The following ENPP6 variants were observed in gnomAD, a reference collection of about 807,000 sequenced individuals.
ENPP6 encodes glycerophosphocholine cholinephosphodiesterase ENPP6.
ENPP6 carries 32 observed loss-of-function variants against 42.0 expected under a neutral mutation model. The observed-to-expected ratio is 0.76, with a 90% CI of 0.58 to 1.02. The LOEUF is 1.02. Ranked by LOEUF, ENPP6 falls within the 50% of genes least tolerant of loss-of-function variation. The probability of loss-of-function intolerance (pLI) is 0.00; values close to 1 mark genes in which losing one functional copy is unlikely to be tolerated. For synonymous variants in ENPP6, 213 were observed against 216.0 expected (o/e 0.99, Z 0.12); for missense variants, 552 against 566.8 (o/e 0.97, Z 0.27).
chr4:184,166,481 T>G (rs910645251), intron 1 of ENPP6, among the ~76,000 whole-genome samples: 1 of 152,172 alleles, frequency 6.6e-6, no homozygotes, highest in African/African-American at 2.4e-5. Context: ...ACAAAAATAA[T>G]TTTCCTGCAT....
At chr4:184,146,252 G>A (rs1200098104) in intron 2 of ENPP6, among the ~76,000 whole-genome samples, 1 of 151,850 alleles carries the variant, frequency 6.6e-6, no homozygotes, top group Admixed American at 6.6e-5. Flanking sequence ...CCAAGATGGT[G>A]AAACCCCGTC....
rs567082166 is a variant in ENPP6 at position 184,185,016 on chromosome 4, G to A, written c.242-31283C>T. On this transcript the variant is annotated intron_variant, in intron 1 of 7. Coordinates refer to ENST00000296741, the MANE Select transcript of ENPP6 (RefSeq NM_153343.4). ...GGGAGGAAGACTGGAGACAACAGAG[G>A]TAGGACAATATTATGAGAGATAATC... Among the ~76,000 whole-genome samples the A allele has an allele frequency of 2.6e-5, 4 of 152,314 alleles. 1 individual carries two copies. The highest frequency in any genetic ancestry group is 9.6e-5 in the African/African-American group (4 of 41,566).
chr4:184,115,091 C>A (rs1177575833), intron 5 of ENPP6, among the ~76,000 whole-genome samples: 1 of 152,184 alleles, frequency 6.6e-6, no homozygotes, highest in African/African-American at 2.4e-5. Flanking sequence ...GATGCATTTG[C>A]AGAAGGATTG....
chr4:184,204,596 G>C (rs1397676054), intron 1 of ENPP6, among the ~76,000 whole-genome samples: 1 of 152,160 alleles, frequency 6.6e-6, no homozygotes, highest in Non-Finnish European at 1.5e-5. Flanking sequence ...GCTGACCACT[G>C]GTTCCTGGTT....
chr4:184,130,512 C>T (rs1312743431), intron 2 of ENPP6, among the ~76,000 whole-genome samples: 1 of 75,040 alleles, frequency 1.3e-5, no homozygotes, highest in Non-Finnish European at 3.0e-5. Context: ...GAGCCGAGAT[C>T]ACACCACTGC....
At chr4:184,126,102 C>G (rs998382032) in intron 2 of ENPP6, among the ~76,000 whole-genome samples, 1 of 152,150 alleles carries the variant, frequency 6.6e-6, no homozygotes, top group African/African-American at 2.4e-5. Flanking sequence ...TGCAGTATGA[C>G]CATGGTTTTG....
intron 5 of ENPP6, among the ~76,000 whole-genome samples, chr4:184,116,505 C>G (rs1579616916): frequency 6.6e-6 from 1 of 152,016 alleles, no homozygotes; most frequent in Non-Finnish European, 1.5e-5. Context: ...GAGGCCGAGG[C>G]GGGTGGATCA....
intron 1 of ENPP6, among the ~76,000 whole-genome samples, chr4:184,189,531 G>A (rs57240690): frequency 0.01 from 1,534 of 152,300 alleles, 24 homozygotes; most frequent in African/African-American, 0.035. Context: ...TCCGGTTTGA[G>A]TCCGCAGCAC....
intron 1 of ENPP6, among the ~76,000 whole-genome samples, chr4:184,194,811 C>A (rs894579492): frequency 6.6e-6 from 1 of 152,198 alleles, no homozygotes; most frequent in African/African-American, 2.4e-5. Flanking sequence ...AGCCACAGAA[C>A]CTGGTCTCTG....
intron 2 of ENPP6, among the ~76,000 whole-genome samples, chr4:184,143,692 C>T (rs76673077): frequency 6.6e-6 from 1 of 152,216 alleles, no homozygotes; most frequent in Admixed American, 6.5e-5. Flanking sequence ...TGCCCTCTGC[C>T]CCTCTGCAGC....
chr4:184,112,586 A>G, intron 6 of ENPP6, 86 bp downstream of exon 6: 1 of 1,484,206 alleles, frequency 6.7e-7, no homozygotes, highest in Non-Finnish European at 9.0e-7. Context: ...TCTTTTATGT[A>G]TAAAAACTTG....
At chr4:184,159,324 A>G (rs1369606257) in intron 1 of ENPP6, among the ~76,000 whole-genome samples, 1 of 152,210 alleles carries the variant, frequency 6.6e-6, no homozygotes, top group African/African-American at 2.4e-5. Context: ...AATGCATTAG[A>G]AGTTGAACTA....
chr4:184,198,745 C>T (rs191636560), intron 1 of ENPP6, among the ~76,000 whole-genome samples: 2 of 152,306 alleles, frequency 1.3e-5, no homozygotes, highest in Admixed American at 6.5e-5. Flanking sequence ...TAGAGTTGAG[C>T]AAGTCTCATT....
chr4:184,111,107 C>T (rs1045778425), intron 6 of ENPP6, among the ~76,000 whole-genome samples: 9 of 152,264 alleles, frequency 5.9e-5, no homozygotes, highest in Admixed American at 2.6e-4. Context: ...CACTCCCCTA[C>T]CTAAGCCTGT....
At chr4:184,109,646 T>TTA (rs1311470173) in intron 6 of ENPP6, among the ~76,000 whole-genome samples, 3 of 152,236 alleles carry the variant, frequency 2.0e-5, no homozygotes, top group Non-Finnish European at 4.4e-5. Context: ...TGTTTCTTTT[T>TTA]AAAGTTTCTA....
intron 1 of ENPP6, among the ~76,000 whole-genome samples, chr4:184,169,384 C>G (rs960211692): frequency 5.3e-5 from 8 of 152,128 alleles, no homozygotes; most frequent in African/African-American, 1.9e-4. Flanking sequence ...CAGGAAGAGA[C>G]GCTGGGGCTA....
At chr4:184,135,695 TCATAAGGGTA>T (rs6148838) in intron 2 of ENPP6, among the ~76,000 whole-genome samples, 96,746 of 151,556 alleles carry the variant, frequency 0.64, 31,181 homozygotes, top group Non-Finnish European at 0.68. Flanking sequence ...AGTGAATAAT[TCATAAGGGTA>T]CTGTTCAGTG....
At chr4:184,113,755 T>G (rs1005206001) in intron 5 of ENPP6, among the ~76,000 whole-genome samples, 1 of 152,222 alleles carries the variant, frequency 6.6e-6, no homozygotes, top group Non-Finnish European at 1.5e-5. Flanking sequence ...ATGATGAAGA[T>G]GCAAACTTTG....
In ENPP6 at chr4:184,184,582, A is replaced by G. The variant is rs908953338; in HGVS notation, c.242-30849T>C. Among the ~76,000 whole-genome samples the G allele has an allele frequency of 2.0e-5, 3 of 152,170 alleles. No individual in the cohort carries two copies. The highest frequency in any genetic ancestry group is 7.2e-5 in the African/African-American group (3 of 41,436). ...ACCTGCGGAAGTGACCTCATTTGGA[A>G]GAAGGGTCTTAGCAGATGTCACTAA... On this transcript the variant is annotated intron_variant, in intron 1 of 7. Transcript: ENST00000296741. The surrounding 1 kb of genome is among the most constrained non-coding windows in gnomAD (Gnocchi z 4.7).
Sources: gnomAD v4.1 joint callset for allele counts (sites outside exome capture counted in the v4.1 genomes callset) on GRCh38, gnomAD v4.1.1 for gene constraint, Gnocchi (gnomAD v3.1) non-coding constraint, MANE v1.5 for transcripts, NCBI Gene and HGNC (gene_info 2026-07-23, HGNC 2026-07-21) for gene names.